NRG2: variants seen among roughly 807,000 people sequenced by gnomAD.
The protein encoded by NRG2 is neuregulin 2.
A neutral mutation model predicts 73.9 loss-of-function variants in NRG2; 27 were observed. The ratio of observed to expected loss-of-function variants is 0.37; its 90% CI spans 0.27 to 0.50. The LOEUF (loss-of-function observed/expected upper bound fraction) is 0.50. Ranked by LOEUF, NRG2 falls within the 20% of genes least tolerant of loss-of-function variation. The pLI, the probability that NRG2 is intolerant of heterozygous loss-of-function variation, is 0.96. For synonymous variants in NRG2, 532 were observed against 541.0 expected, an observed-to-expected ratio of 0.98 and a Z score of 0.23; for missense variants, 1,126 against 1,210.1, an observed-to-expected ratio of 0.93 and a Z score of 1.03.
At chr5:139,948,154 TA>T (rs1753933478) in intron 1 of NRG2, among the ~76,000 whole-genome samples, 1 of 152,200 alleles carries the variant, frequency 6.6e-6, no homozygotes, top group African/African-American at 2.4e-5. Context: ...CTCATATCAA[TA>T]GAATTAATGT....
chr5:140,035,951 C>T (rs567826374), intron 1 of NRG2, among the ~76,000 whole-genome samples: 2 of 152,130 alleles, frequency 1.3e-5, no homozygotes, highest in Admixed American at 6.5e-5. Context: ...CAGAAACTTT[C>T]TACAGTACCT....
chr5:140,007,938 C>T (rs182268881), intron 1 of NRG2, among the ~76,000 whole-genome samples: 1 of 152,304 alleles, frequency 6.6e-6, no homozygotes, highest in Admixed American at 6.5e-5. Flanking sequence ...ACAGCTATGG[C>T]GAAGCCGATA....
chr5:139,847,962 G>C lies in NRG2; in HGVS notation c.2508C>G (p.Ser836Arg). The C allele has an allele frequency of 6.6e-7, 1 of 1,510,100 alleles. No homozygotes were observed. The highest frequency in any genetic ancestry group is 2.7e-5 in the East Asian group (1 of 36,678). 93.5% of individuals were successfully genotyped at this position (1,510,100 alleles called of 1,614,324 possible). A position where few individuals can be genotyped will look rare whatever the true frequency, so the allele number is the denominator to read the frequency against. ...GCTTGGCCCGCGGGGGCGGCCCGCG[G>C]CTGTGTCTGCTGCTGGCCCGCGTGC... is the stretch of plus-strand genomic sequence containing the variant. ...SHSTRASSRH[S>R]RGPPPRAKQD... Residue 836 changes from serine (S) to arginine (R), a missense_variant, in exon 10 of 10, where the codon AGC becomes AGG. By Grantham distance (110) the Ser-to-Arg change is moderately radical. Coordinates refer to ENST00000361474, the MANE Select transcript of NRG2 (RefSeq NM_004883.3).
In NRG2 at chr5:139,852,839, A is replaced by AG; in HGVS notation, c.1416+64dup. 6.2e-7 allele frequency: 1 copy of AG among 1,603,102 alleles called. No individual in the cohort carries two copies. ...GGCTGCTGCCCTGGCCCATCCTTGC[A>AG]GGGGGCATGAGAAGGCTGGCTGTCC... On this transcript the variant is annotated intron_variant, in intron 7 of 9. Coordinates refer to ENST00000361474, the MANE Select transcript of NRG2 (RefSeq NM_004883.3). This position sits in a 1 kb window ranked among gnomAD's most constrained non-coding sequence, Gnocchi z 4.4.
At chr5:139,997,075 G>A (rs765581786) in intron 1 of NRG2, among the ~76,000 whole-genome samples, 8 of 152,158 alleles carry the variant, frequency 5.3e-5, no homozygotes, top group South Asian at 2.1e-4. Flanking sequence ...TTGGGAGGTC[G>A]AGGCCGTGGT....
At chr5:139,891,811 G>T (rs1042380385) in intron 1 of NRG2, among the ~76,000 whole-genome samples, 1 of 152,008 alleles carries the variant, frequency 6.6e-6, no homozygotes, top group African/African-American at 2.4e-5. Flanking sequence ...GAGAAGTCTG[G>T]ATTTATTTTG....
intron 1 of NRG2, among the ~76,000 whole-genome samples, chr5:139,943,208 G>A (rs1018551707): frequency 4.6e-5 from 7 of 152,170 alleles, no homozygotes; most frequent in South Asian, 4.1e-4. Flanking sequence ...GTGCAATGGC[G>A]CGATCTCGGC....
intron 1 of NRG2, among the ~76,000 whole-genome samples, chr5:140,037,024 G>C (rs1761554972): frequency 6.6e-6 from 1 of 152,176 alleles, no homozygotes; most frequent in Non-Finnish European, 1.5e-5. Flanking sequence ...GTTCCAATCA[G>C]TTACTTTAAA....
intron 1 of NRG2, among the ~76,000 whole-genome samples, chr5:140,020,023 G>A (rs1760099672): frequency 6.6e-6 from 1 of 152,158 alleles, no homozygotes; most frequent in South Asian, 2.1e-4. Context: ...AAAGTGCTGG[G>A]ATTACAGGCA....
At chr5:139,882,802 A>T (rs1763613097) in intron 2 of NRG2, among the ~76,000 whole-genome samples, 2 of 152,072 alleles carry the variant, frequency 1.3e-5, no homozygotes, top group Admixed American at 1.3e-4. Flanking sequence ...CATCATATGT[A>T]GCAGGACGTG....
intron 1 of NRG2, among the ~76,000 whole-genome samples, chr5:139,939,236 CTTCCTTCCTTTCTTTCTTTCTTTCTT>C (rs1753183118): frequency 7.1e-6 from 1 of 141,662 alleles, no homozygotes. Flanking sequence ...TCCTTCCTTC[CTTCCTTCCTTTCTTTCTTTCTTTCTT>C]TTTCTTTCTT....
intron 1 of NRG2, among the ~76,000 whole-genome samples, chr5:139,962,049 GCA>G (rs1755111297): frequency 6.6e-6 from 1 of 152,194 alleles, no homozygotes; most frequent in Non-Finnish European, 1.5e-5. Context: ...GTGGCAGGAG[GCA>G]CACACAGTGG....
At chr5:140,031,721 A>T (rs36049940) in intron 1 of NRG2, among the ~76,000 whole-genome samples, 2,496 of 152,170 alleles carry the variant, frequency 0.016, 77 homozygotes, top group African/African-American at 0.057. Flanking sequence ...TAAGAAATCT[A>T]TTGCTGGTCT....
At position 139,856,139 on chromosome 5, in the gene NRG2, C is replaced by A. The variant is rs527926018; in HGVS notation, c.1190-361G>T. ...GCAGGGGAGGACAGCTCAGTCTGGC[C>A]GGTGACCCTGCCCTGCTCCACAGTG... On this transcript the variant is annotated intron_variant, in intron 5 of 9. Coordinates refer to ENST00000361474, the MANE Select transcript of NRG2 (RefSeq NM_004883.3). The surrounding 1 kb of genome is among the most constrained non-coding windows in gnomAD (Gnocchi z 4.2). 25 of 273,630 alleles carry A rather than the reference C, an allele frequency of 9.1e-5. No homozygotes were observed. Among genetic ancestry groups the A allele is most frequent in the African/African-American group, 4.7e-4 (22 of 47,274 alleles). The allele number at this position is 273,630 out of a possible 1,614,324, so 17.0% of individuals were successfully genotyped here. A position where few individuals can be genotyped will look rare whatever the true frequency, so the allele number is the denominator to read the frequency against.
At position 139,848,042 on chromosome 5, in the gene NRG2, G is replaced by A. The variant is rs1272288939; in HGVS notation, c.2428C>T (p.Pro810Ser). ...CTGTCGGCCGCCGGGCACAGTGGCGGCGAGTCCGAGCGCAGCGCGTCGTGC... is the reference window on the plus strand; with the variant it reads ...CTGTCGGCCGCCGGGCACAGTGGCGACGAGTCCGAGCGCAGCGCGTCGTGC... ...GAHDALRSDS[P>S]PLCPAADSRT... The change falls in exon 10 of 10, where the codon CCG (proline) becomes TCG (serine). Residue 810 changes from proline to serine, a missense_variant. Pro to Ser is a moderately conservative substitution (Grantham distance 74). Coordinates refer to ENST00000361474, the MANE Select transcript of NRG2 (RefSeq NM_004883.3). 1.3e-6 allele frequency: 2 copies of A among 1,507,356 alleles called. No homozygotes were observed. Among genetic ancestry groups the A allele is most frequent in the Non-Finnish European group, 1.8e-6 (2 of 1,134,004 alleles). 93.4% of individuals were successfully genotyped at this position (1,507,356 alleles called of 1,614,324 possible).
At chr5:139,946,343 A>C (rs1561699776) in intron 1 of NRG2, among the ~76,000 whole-genome samples, 1 of 152,106 alleles carries the variant, frequency 6.6e-6, no homozygotes, top group Non-Finnish European at 1.5e-5. Context: ...CAAGGATATA[A>C]AAGTAATGTA....
chr5:139,968,543 GC>G (rs1755731314), intron 1 of NRG2, among the ~76,000 whole-genome samples: 1 of 152,210 alleles, frequency 6.6e-6, no homozygotes, highest in Non-Finnish European at 1.5e-5. Context: ...AGAGACAGCA[GC>G]ACCTTCCTCC....
At chr5:139,886,567 G>A (rs149232062) in intron 2 of NRG2, among the ~76,000 whole-genome samples, 1 of 152,226 alleles carries the variant, frequency 6.6e-6, no homozygotes, top group Non-Finnish European at 1.5e-5. Context: ...GGAGCCAACA[G>A]AGCAGACATC....
Position 140,042,834 on chromosome 5 carries a change from C to CGGACTGCG in NRG2, c.235_236insCGCAGTCC (p.Arg79ProfsTer18). ...GGCTCGCGAACGGGCGGCGGCTCTCCGGGCTGCGGGGCTGCGGGGCTGCGG... is the reference window on the plus strand; with the variant it reads ...GGCTCGCGAACGGGCGGCGGCTCTCCGGACTGCGGGGCTGCGGGGCTGCGGGGCTGCGG... On this transcript the variant is annotated frameshift_variant, in exon 1 of 10. Coordinates refer to ENST00000361474, the MANE Select transcript of NRG2 (RefSeq NM_004883.3). LOFTEE classifies it high-confidence loss of function. The CGGACTGCG allele has an allele frequency of 6.8e-7, 1 of 1,480,602 alleles. No individual in the cohort carries two copies. The highest frequency in any genetic ancestry group is 8.9e-7 in the Non-Finnish European group (1 of 1,120,566). The allele number at this position is 1,480,602 out of a possible 1,614,324, so 91.7% of individuals were successfully genotyped here.
Sources: allele counts gnomAD v4.1 joint callset (sites outside exome capture counted in the v4.1 genomes callset), GRCh38; gene constraint gnomAD v4.1.1; non-coding constraint Gnocchi (gnomAD v3.1); transcripts MANE v1.5; gene names NCBI Gene and HGNC (gene_info 2026-07-23, HGNC 2026-07-21).